The following PCDHA7 variants were observed in gnomAD, a reference collection of about 807,000 sequenced individuals.
PCDHA7 encodes the protein protocadherin alpha-7.
Under a neutral mutation model 57.2 loss-of-function variants are expected in PCDHA7, and 37 were observed. The ratio of observed to expected loss-of-function variants is 0.65; its 90% CI spans 0.50 to 0.85. The LOEUF (loss-of-function observed/expected upper bound fraction) is 0.85, where lower values mean the gene tolerates loss of function less well. PCDHA7 is among the 40% of genes least tolerant of loss of function. The probability of loss-of-function intolerance (pLI) is 0.00; values close to 1 mark genes in which losing one functional copy is unlikely to be tolerated. For missense variants in PCDHA7, 1,188 were observed against 1,241.8 expected (o/e 0.96, Z 0.65); for synonymous variants, 553 against 558.8 (o/e 0.99, Z 0.15).
chr5:140,928,955 T>A, intron 1 of PCDHA7: 1 of 1,614,024 alleles, frequency 6.2e-7, no homozygotes, highest in Middle Eastern at 1.6e-4. Context: ...GTAATTGCCT[T>A]GGCTTGTATT....
At chr5:140,841,059 A>C in intron 1 of PCDHA7, 1 of 449,736 alleles carries the variant, frequency 2.2e-6, no homozygotes, top group Non-Finnish European at 3.9e-6. Context: ...CTATTAAATT[A>C]TGATAAAGAA....
intron 1 of PCDHA7, among the ~76,000 whole-genome samples, chr5:140,896,345 C>T (rs113477424): frequency 0.12 from 18,881 of 152,098 alleles, 1,242 homozygotes; most frequent in Middle Eastern, 0.19. Flanking sequence ...TTTATATTCC[C>T]GCCAGCAGTG....
intron 1 of PCDHA7, chr5:140,851,511 T>C (rs2042080638): frequency 2.8e-5 from 25 of 901,700 alleles, no homozygotes; most frequent in Non-Finnish European, 3.2e-5. Flanking sequence ...ATATAAAATA[T>C]GTTTTAAAAT....
At position 140,852,582 on chromosome 5, in the gene PCDHA7, A is replaced by ATTT. The variant is rs527656692; in HGVS notation, c.2355+15854_2355+15856dup. The ATTT allele has an allele frequency of 5.4e-4, 378 of 693,802 alleles. 2 individuals carry two copies. The highest frequency in any genetic ancestry group is 7.4e-4 in the Middle Eastern group (1 of 1,344). The allele number at this position is 693,802 out of a possible 1,614,324, so 43.0% of individuals were successfully genotyped here. On this transcript the variant is annotated intron_variant, in intron 1 of 3. Coordinates refer to ENST00000525929, the MANE Select transcript of PCDHA7 (RefSeq NM_018910.3). ...TGAGCCACTGTGCCAAGGCTTTTTTATTTTTTTTTTTTGTCATTTTCTTTC... is the reference window on the plus strand; with the variant it reads ...TGAGCCACTGTGCCAAGGCTTTTTTATTTTTTTTTTTTTTTGTCATTTTCTTTC...
At position 140,843,179 on chromosome 5, in the gene PCDHA7, A is replaced by T. The variant is rs1554139831; in HGVS notation, c.2355+6441A>T. On this transcript the variant is annotated intron_variant, in intron 1 of 3. Transcript: ENST00000525929. Reference sequence around the variant, plus strand: ...GCAGCCAGCTGCAAGCAGCCCTCGCATCCCGTTCCGCGTGGGGCTGTACAC... The same window carrying T: ...GCAGCCAGCTGCAAGCAGCCCTCGCTTCCCGTTCCGCGTGGGGCTGTACAC... 4 of 1,595,858 alleles carry T rather than the reference A, an allele frequency of 2.5e-6. 1 individual carries two copies. In the Admixed American group the frequency reaches 5.1e-5, roughly 20 times the overall value.
At chr5:140,971,640 A>G (rs2096489850) in intron 1 of PCDHA7, among the ~76,000 whole-genome samples, 1 of 152,184 alleles carries the variant, frequency 6.6e-6, no homozygotes, top group Non-Finnish European at 1.5e-5. Context: ...CCATGTGCCT[A>G]CATTAAAAGT....
rs2150254721 is a variant in PCDHA7 at position 140,836,173 on chromosome 5, T to G, written c.1790T>G (p.Val597Gly). 1 of 1,613,820 alleles carries G rather than the reference T, an allele frequency of 6.2e-7. No individual in the cohort carries two copies. Among genetic ancestry groups the G allele is most frequent in the South Asian group, 1.1e-5 (1 of 91,070 alleles). The change falls in exon 1 of 4, where the codon GTT becomes GGT. Residue 597 changes from valine (V) to glycine (G), a missense_variant. By Grantham distance (109) the Val-to-Gly change is moderately radical (BLOSUM62 -3). Around this residue, in one of 3 missense-constraint regions of PCDHA7, gnomAD observed 892 missense variants for 788.5 expected, o/e 1.13. Coordinates refer to ENST00000525929, the MANE Select transcript of PCDHA7 (RefSeq NM_018910.3). The part of the protein sequence containing the change: ...AGHVVAKVRA[V>G]DADSGYNAWL... Reference sequence around the variant, plus strand: ...CATGTGGTGGCGAAGGTACGTGCAGTTGACGCTGACTCAGGCTACAACGCG... The same window carrying G: ...CATGTGGTGGCGAAGGTACGTGCAGGTGACGCTGACTCAGGCTACAACGCG...
At chr5:140,880,688 A>T (rs1033069078) in intron 1 of PCDHA7, among the ~76,000 whole-genome samples, 2 of 152,224 alleles carry the variant, frequency 1.3e-5, no homozygotes, top group East Asian at 3.8e-4. Flanking sequence ...GAGAATAGTC[A>T]TGGTTAAGTG....
intron 2 of PCDHA7, among the ~76,000 whole-genome samples, chr5:140,980,549 G>A (rs1382828581): frequency 1.3e-5 from 2 of 152,162 alleles, no homozygotes; most frequent in Non-Finnish European, 2.9e-5. Context: ...AGAATCGCTT[G>A]AACCCGGGAG....
At chr5:140,955,187 T>C (rs1230644276) in intron 1 of PCDHA7, among the ~76,000 whole-genome samples, 1 of 152,198 alleles carries the variant, frequency 6.6e-6, no homozygotes, top group Non-Finnish European at 1.5e-5. Flanking sequence ...TTTTGTGGTG[T>C]ATATGAAGTC....
intron 1 of PCDHA7, chr5:140,848,806 T>G (rs2150421063): frequency 1.3e-6 from 2 of 1,591,932 alleles, no homozygotes; most frequent in African/African-American, 2.7e-5. Flanking sequence ...GAGTGCAGCA[T>G]CCACCTGGAG....
intron 2 of PCDHA7, 72 bp downstream of exon 2, chr5:140,979,079 T>C (rs1019875909): frequency 9.5e-6 from 15 of 1,584,162 alleles, no homozygotes; most frequent in African/African-American, 6.8e-5. Flanking sequence ...TGCATCTCCA[T>C]AGGCCAGAAG....
chr5:140,951,144 T>C (rs1052192456), intron 1 of PCDHA7, among the ~76,000 whole-genome samples: 3 of 100,560 alleles, frequency 3.0e-5, no homozygotes, highest in Non-Finnish European at 6.0e-5. Context: ...CTTTATCTTA[T>C]TGAATATAGT....
chr5:140,967,019 C>T (rs887648506), intron 1 of PCDHA7: 1 of 1,607,542 alleles, frequency 6.2e-7, no homozygotes, highest in Non-Finnish European at 8.5e-7. Flanking sequence ...TCTGGGTGCG[C>T]CCAGTCCGCG....
At chr5:140,838,077 A>ATATAGTGTGTGT (rs1203070308) in intron 1 of PCDHA7, among the ~76,000 whole-genome samples, 2 of 80,700 alleles carry the variant, frequency 2.5e-5, no homozygotes, top group Admixed American at 2.3e-4. Context: ...ATATATATAT[A>ATATAGTGTGTGT]GTGTGTGTGT....
intron 1 of PCDHA7, among the ~76,000 whole-genome samples, chr5:140,946,113 G>T (rs1241993026): frequency 6.6e-6 from 1 of 151,816 alleles, no homozygotes; most frequent in Non-Finnish European, 1.5e-5. Context: ...AAATATATAA[G>T]GAACTCAAAC....
In PCDHA7 at chr5:140,835,006, T is replaced by A; in HGVS notation, c.623T>A (p.Leu208His). ...KLLDREETPE[L>H]HLLLTATDGG... Reference sequence around the variant, plus strand: ...TTAGACAGAGAAGAAACTCCGGAGCTTCATTTATTGCTCACGGCCACCGAT... The same window carrying A: ...TTAGACAGAGAAGAAACTCCGGAGCATCATTTATTGCTCACGGCCACCGAT... The change falls in exon 1 of 4, where the codon CTT becomes CAT. Residue 208 changes from leucine (L) to histidine (H), a missense_variant. Transcript: ENST00000525929. 7.2e-7 allele frequency: 1 copy of A among 1,393,804 alleles called. No individual in the cohort carries two copies. Among genetic ancestry groups the A allele is most frequent in the Non-Finnish European group, 9.7e-7 (1 of 1,033,610 alleles). 86.3% of individuals were successfully genotyped at this position (1,393,804 alleles called of 1,614,324 possible).
rs2052480735 is a variant in PCDHA7 at position 140,870,867 on chromosome 5, C to A, written c.2355+34129C>A. 5 of 1,613,908 alleles carry A rather than the reference C, an allele frequency of 3.1e-6. No individual in the cohort carries two copies. The East Asian group carries it at 8.9e-5, about 29-fold the overall frequency. ...TACCGCGGTCGGTGGGTGCGGGCCACGTGGTGGCGAAGGTGCGCGCAGTGG... is the reference window on the plus strand; with the variant it reads ...TACCGCGGTCGGTGGGTGCGGGCCAAGTGGTGGCGAAGGTGCGCGCAGTGG... On this transcript the variant is annotated intron_variant, in intron 1 of 3. Transcript: ENST00000525929.
rs971447494 is a variant in PCDHA7, at chr5:140,855,570, A to G, written c.2355+18832A>G. 1.4e-4 allele frequency among the ~76,000 whole-genome samples: 21 copies of G among 149,936 alleles called. 2 individuals carry two copies. Among genetic ancestry groups the G allele is most frequent in the African/African-American group, 5.1e-4 (21 of 40,914 alleles). ...GAACTTAAATGGAACTAAAGTTGTCATTTAATAAAATATTAGTATACTCAG... is the reference window on the plus strand; with the variant it reads ...GAACTTAAATGGAACTAAAGTTGTCGTTTAATAAAATATTAGTATACTCAG... On this transcript the variant is annotated intron_variant, in intron 1 of 3. Transcript: ENST00000525929.
Sources: allele counts gnomAD v4.1 joint callset (sites outside exome capture counted in the v4.1 genomes callset), GRCh38; gene constraint gnomAD v4.1.1; regional missense constraint gnomAD v4.1.1; transcripts MANE v1.5; gene names NCBI Gene and HGNC (gene_info 2026-07-23, HGNC 2026-07-21).